The following MYO18B variants were observed in gnomAD, a reference collection of about 807,000 sequenced individuals.
MYO18B encodes the protein unconventional myosin-XVIIIb.
MYO18B carries 204 observed loss-of-function variants against 273.0 expected under a neutral mutation model. That is an observed-to-expected ratio of 0.75 (90% CI 0.67 to 0.84). The LOEUF is 0.84. Among genes scored for constraint, MYO18B ranks in the 40% least tolerant of loss-of-function variants. MYO18B has a pLI of 0.00. For missense variants in MYO18B, 3,212 were observed against 3,287.6 expected, an observed-to-expected ratio of 0.98 and a Z score of 0.56; for synonymous variants, 1,330 against 1,305.7, an observed-to-expected ratio of 1.02 and a Z score of -0.40.
At chr22:25,912,401 A>G (rs1208136261) in intron 33 of MYO18B, among the ~76,000 whole-genome samples, 3 of 152,244 alleles carry the variant, frequency 2.0e-5, no homozygotes, top group Non-Finnish European at 4.4e-5. Flanking sequence ...TCTATTCAGC[A>G]TAGTCTGAGA....
chr22:25,948,772 G>A (rs772351731), intron 36 of MYO18B, among the ~76,000 whole-genome samples: 2 of 151,928 alleles, frequency 1.3e-5, no homozygotes, highest in Non-Finnish European at 2.9e-5. Flanking sequence ...CAGAGCAGAG[G>A]GCAGACTTGC....
intron 29 of MYO18B, 51 bp from the exon 30 acceptor site, chr22:25,902,562 T>C: frequency 1.3e-6 from 2 of 1,568,774 alleles, no homozygotes; most frequent in South Asian, 2.4e-5. Flanking sequence ...CCTCAATCAC[T>C]CCCCTGCCCA....
intron 12 of MYO18B, among the ~76,000 whole-genome samples, chr22:25,821,578 C>T (rs536488122): frequency 6.6e-6 from 1 of 152,206 alleles, no homozygotes; most frequent in African/African-American, 2.4e-5. Flanking sequence ...GAGATGGAGA[C>T]CATCCTGGCT....
chr22:25,776,136 A>G (rs1601658443), intron 7 of MYO18B, among the ~76,000 whole-genome samples: 1 of 152,314 alleles, frequency 6.6e-6, no homozygotes, highest in East Asian at 1.9e-4. Context: ...ATGGCATTGT[A>G]TGGTATGTAA....
rs545829541 is a variant in MYO18B at position 25,902,347 on chromosome 22, G to A, written c.4824-266G>A. On this transcript the variant is annotated intron_variant, in intron 29 of 43. Transcript: ENST00000335473. ...AGAAATCTAGAATTATAAGTATATC[G>A]AATAGTTCTGTGGCAAGTCTACCTC... is the stretch of plus-strand genomic sequence containing the variant. Among the ~76,000 whole-genome samples, 735 of 152,208 alleles carry A rather than the reference G, an allele frequency of 4.8e-3. 5 individuals are homozygous for A. Among genetic ancestry groups the A allele is most frequent in the Middle Eastern group, 0.014 (4 of 294 alleles).
At position 25,785,411 on chromosome 22, in the gene MYO18B, T is replaced by A. The variant is rs770129642; in HGVS notation, c.2313-17T>A. The stretch of plus-strand genomic sequence containing the variant: ...GTGGACAGCCCCCCTGACTCCTGGT[T>A]CCTTCTGTGCTTCCAGGACGGAGCT... On this transcript the variant is annotated splice_polypyrimidine_tract_variant and intron_variant, in intron 10 of 43. Transcript: ENST00000335473. 108 of 1,600,788 alleles carry A rather than the reference T, an allele frequency of 6.7e-5. No individual in the cohort carries two copies. The highest frequency in any genetic ancestry group is 9.0e-5 in the Non-Finnish European group (106 of 1,174,036).
intron 28 of MYO18B, among the ~76,000 whole-genome samples, chr22:25,896,097 T>G (rs1180230273): frequency 6.6e-6 from 1 of 152,198 alleles, no homozygotes; most frequent in South Asian, 2.1e-4. Context: ...CTTTTTCACT[T>G]TCTTTGGCAG....
At chr22:25,897,235 AG>A (rs2091827050) in intron 28 of MYO18B, 1 of 152,206 alleles carries the variant, frequency 6.6e-6, no homozygotes. Context: ...TCGGAGCCAT[AG>A]GGTGGAGGTT....
intron 26 of MYO18B, 138 bp from the exon 27 acceptor site, chr22:25,891,166 C>T: frequency 1.4e-6 from 1 of 733,954 alleles, no homozygotes; most frequent in Non-Finnish European, 2.3e-6. Flanking sequence ...AGGTGGCTAG[C>T]CCATGGTCCT....
chr22:25,962,561 G>A (rs996932838), intron 39 of MYO18B, among the ~76,000 whole-genome samples: 3 of 152,214 alleles, frequency 2.0e-5, no homozygotes, highest in African/African-American at 7.2e-5. Context: ...GCCTGATGTT[G>A]TGGGAGATGC....
chr22:25,785,285 G>A (rs993183106), intron 10 of MYO18B, 143 bp from the exon 11 acceptor site: 2 of 673,652 alleles, frequency 3.0e-6, no homozygotes, highest in Non-Finnish European at 5.1e-6. Context: ...CCAGGGCAGA[G>A]TTAGTGGGGC....
intron 39 of MYO18B, among the ~76,000 whole-genome samples, chr22:25,979,792 C>G (rs1269307978): frequency 2.0e-5 from 3 of 152,148 alleles, no homozygotes; most frequent in Non-Finnish European, 4.4e-5. Flanking sequence ...GATCCCTCCT[C>G]CCTTTCCCTT....
chr22:25,905,492 C>G (rs2092024768), intron 31 of MYO18B, among the ~76,000 whole-genome samples: 1 of 152,110 alleles, frequency 6.6e-6, no homozygotes, highest in Non-Finnish European at 1.5e-5. Context: ...CTGGTCGTGA[C>G]AGCAGGGTTG....
chr22:25,745,505 A>ACACACACACG (rs1555879834), intron 1 of MYO18B, among the ~76,000 whole-genome samples: 1 of 147,580 alleles, frequency 6.8e-6, no homozygotes, highest in African/African-American at 2.5e-5. Context: ...ACACACACGC[A>ACACACACACG]CACACATCTC....
Position 25,768,798 on chromosome 22 carries a change from A to G in MYO18B, c.882A>G (p.Glu294=), listed in dbSNP as rs1311916507. The change falls in exon 4 of 44, where the codon GAA becomes GAG. Residue 294 remains glutamate, a synonymous_variant. Transcript: ENST00000335473. ...GAGCAGAGCCCACAAACACGGTGGA[A>G]AAGGGGAATGTCTCTAAGGACGTAG... ...KEGAEPTNTV[E]KGNVSKDVGS... 1.9e-6 allele frequency: 3 copies of G among 1,610,416 alleles called. No homozygotes were observed. Among genetic ancestry groups the G allele is most frequent in the African/African-American group, 2.7e-5 (2 of 75,018 alleles).
intron 34 of MYO18B, among the ~76,000 whole-genome samples, chr22:25,938,335 G>C (rs1341938858): frequency 1.3e-5 from 2 of 152,236 alleles, no homozygotes; most frequent in Non-Finnish European, 2.9e-5. Context: ...TATGTGATAG[G>C]AATCTCAATT....
At chr22:26,036,815 C>A in the MYO18B span, among the ~76,000 whole-genome samples, 1 of 152,172 alleles carries the variant, frequency 6.6e-6, no homozygotes, top group Non-Finnish European at 1.5e-5. Context: ...AGTGGCCTCA[C>A]CCTTGGTAAA....
chr22:25,840,966 C>A (rs984793279), intron 17 of MYO18B, among the ~76,000 whole-genome samples: 4 of 152,230 alleles, frequency 2.6e-5, no homozygotes, highest in Non-Finnish European at 5.9e-5. Context: ...AAAAATAGTT[C>A]TCTTCCTCTA....
At chr22:25,944,243 C>T (rs943871648) in intron 34 of MYO18B, among the ~76,000 whole-genome samples, 1 of 152,176 alleles carries the variant, frequency 6.6e-6, no homozygotes, top group Non-Finnish European at 1.5e-5. Context: ...AATTACCTTC[C>T]TTTGCTCTAC....
Sources: gnomAD v4.1 joint callset for allele counts (sites outside exome capture counted in the v4.1 genomes callset) on GRCh38, gnomAD v4.1.1 for gene constraint, MANE v1.5 for transcripts, NCBI Gene and HGNC (gene_info 2026-07-23, HGNC 2026-07-21) for gene names.